MIA3: variants seen among roughly 807,000 people sequenced by gnomAD.
MIA3 encodes the protein MIA SH3 domain ER export factor 3.
Under a neutral mutation model 192.4 loss-of-function variants are expected in MIA3, and 90 were observed. The observed-to-expected ratio is 0.47, with a 90% CI of 0.39 to 0.56. MIA3 has a LOEUF of 0.56. MIA3 is among the 20% of genes least tolerant of loss of function. MIA3 has a pLI of 0.00. For synonymous variants in MIA3, 740 were observed against 792.8 expected (o/e 0.93, Z 1.12); for missense variants, 2,123 against 2,269.4 (o/e 0.94, Z 1.31).
chr1:222,627,727 T>C lies in MIA3; in HGVS notation c.507T>C (p.Pro169=), dbSNP rs1662184142. The change falls in exon 4 of 28, where the codon CCT becomes CCC. Residue 169 remains proline, a synonymous_variant. Coordinates refer to ENST00000344922, the MANE Select transcript of MIA3 (RefSeq NM_198551.4). Reference sequence around the variant, plus strand: ...CTTTACAGGATATGGAAAAAAACCCTGAATTATCTAAGGAAAGGGAACCTG... The same window carrying C: ...CTTTACAGGATATGGAAAAAAACCCCGAATTATCTAAGGAAAGGGAACCTG... The part of the protein sequence containing the change: ...EKTLQDMEKN[P]ELSKEREPEP... 4.3e-6 allele frequency: 7 copies of C among 1,613,456 alleles called. No individual in the cohort carries two copies. Among genetic ancestry groups the C allele is most frequent in the East Asian group, 2.2e-5 (1 of 44,876 alleles).
intron 18 of MIA3, among the ~76,000 whole-genome samples, chr1:222,655,666 C>T (rs527746452): frequency 6.6e-6 from 1 of 152,326 alleles, no homozygotes; most frequent in African/African-American, 2.4e-5. Context: ...CAGGCCAGCT[C>T]TAAATAAATG....
chr1:222,618,372 C>A, intron 1 of MIA3, 129 bp downstream of exon 1: 2 of 993,934 alleles, frequency 2.0e-6, no homozygotes, highest in Non-Finnish European at 1.3e-6. Context: ...CTGGCCGGCC[C>A]GGGGGTCGCA....
intron 2 of MIA3, among the ~76,000 whole-genome samples, chr1:222,622,635 A>G (rs1661924300): frequency 1.3e-5 from 2 of 152,180 alleles, no homozygotes. Flanking sequence ...AATCTATTCT[A>G]TTTCCTTCAA....
At chr1:222,644,372 C>G in intron 6 of MIA3, 1 of 1,514,468 alleles carries the variant, frequency 6.6e-7, no homozygotes, top group South Asian at 1.3e-5. Context: ...ATCCCAGAGT[C>G]CGCCCCCTGA....
At chr1:222,644,141 A>G (rs1663001479) in intron 6 of MIA3, among the ~76,000 whole-genome samples, 2 of 152,288 alleles carry the variant, frequency 1.3e-5, no homozygotes, top group African/African-American at 4.8e-5. Context: ...GTTCCTGGCG[A>G]AAGCGCCAGT....
chr1:222,661,286 T>C (rs1663996199), intron 24 of MIA3: 1 of 152,328 alleles, frequency 6.6e-6, no homozygotes, highest in Non-Finnish European at 1.5e-5. Flanking sequence ...ATATATACCA[T>C]AGTTTGGAGT....
chr1:222,626,730 C>T (rs1229197884), intron 3 of MIA3, among the ~76,000 whole-genome samples: 1 of 152,146 alleles, frequency 6.6e-6, no homozygotes, highest in Non-Finnish European at 1.5e-5. Flanking sequence ...TCCTTTACAC[C>T]ATTCTTTGTT....
At chr1:222,632,378 T>G (rs1354187113) in intron 5 of MIA3, 52 bp downstream of exon 5, 2 of 1,463,416 alleles carry the variant, frequency 1.4e-6, no homozygotes, top group African/African-American at 1.4e-5. Context: ...AAAGAAGGCC[T>G]TCTAGGAGAT....
intron 6 of MIA3, among the ~76,000 whole-genome samples, chr1:222,640,984 A>G (rs554655648): frequency 9.9e-4 from 151 of 152,370 alleles, no homozygotes; most frequent in Non-Finnish European, 1.6e-3. Context: ...CATAATTATC[A>G]GGGAAATGCC....
At chr1:222,665,239 A>T in intron 27 of MIA3, 70 bp from the exon 28 acceptor site, 1 of 1,078,438 alleles carries the variant, frequency 9.3e-7, no homozygotes, top group Non-Finnish European at 1.4e-6. Context: ...AGACTATATT[A>T]ACATACCTGG....
At position 222,664,839 on chromosome 1, in the gene MIA3, T is replaced by C. The variant is rs868839640; in HGVS notation, c.5414-470T>C. On this transcript the variant is annotated intron_variant, in intron 27 of 27. Transcript: ENST00000344922. ...CCATATTTAGTCTGTCTTCTTGGTA[T>C]GGTATATAGTACTTCCAAGTACAAA... 6 of 365,146 alleles carry C rather than the reference T, an allele frequency of 1.6e-5. No individual in the cohort carries two copies. In the Middle Eastern group the frequency reaches 1.1e-3, roughly 69 times the overall value. 22.6% of individuals were successfully genotyped at this position (365,146 alleles called of 1,614,324 possible).
chr1:222,654,847 T>G (rs1470526304), intron 18 of MIA3, 54 bp downstream of exon 18: 1 of 1,397,854 alleles, frequency 7.2e-7, no homozygotes, highest in African/African-American at 1.4e-5. Flanking sequence ...TAAATAAATG[T>G]GTACTAATAT....
intron 26 of MIA3, among the ~76,000 whole-genome samples, chr1:222,663,229 T>G (rs1192431014): frequency 6.6e-6 from 1 of 152,154 alleles, no homozygotes; most frequent in Non-Finnish European, 1.5e-5. Context: ...TCTTGGAAAA[T>G]ACTTCCAAGT....
In MIA3 at chr1:222,663,465, ACT is replaced by A. The variant is rs1381139325; in HGVS notation, c.5263-528_5263-527del. Among the ~76,000 whole-genome samples, 5 of 151,812 alleles carry A rather than the reference ACT, an allele frequency of 3.3e-5. No individual in the cohort carries two copies. The South Asian group carries it at 6.2e-4, about 19-fold the overall frequency. On this transcript the variant is annotated intron_variant, in intron 26 of 27. Coordinates refer to ENST00000344922, the MANE Select transcript of MIA3 (RefSeq NM_198551.4). ...CTGTGTGACCATCAGCAAATCTAAT[ACT>A]CTCTGCGCCTGTGTTCCTGCATATT...
intron 24 of MIA3, chr1:222,661,057 CGT>C (rs1267538944): frequency 6.6e-6 from 1 of 152,224 alleles, no homozygotes; most frequent in Middle Eastern, 3.2e-3. Context: ...CTTAAAACAC[CGT>C]GTGATGTTAA....
In MIA3 at chr1:222,659,736, C is replaced by G; in HGVS notation, c.4809C>G (p.Leu1603=). ...THEKKAHENW[L]KARAAERAIA... ...ATTTGGATATTTTTCTTCAATAGCT[C>G]AAAGCTCGTGCTGCAGAAAGAGCTA... is the stretch of plus-strand genomic sequence containing the variant. Residue 1603 remains leucine (L), a splice_region_variant and synonymous_variant, in exon 22 of 28, where the codon CTC becomes CTG. Transcript: ENST00000344922. 2 of 1,613,918 alleles carry G rather than the reference C, an allele frequency of 1.2e-6. No homozygotes were observed. The highest frequency in any genetic ancestry group is 1.7e-6 in the Non-Finnish European group (2 of 1,179,934).
At chr1:222,634,756 C>T (rs1298095832) in intron 6 of MIA3, among the ~76,000 whole-genome samples, 2 of 152,102 alleles carry the variant, frequency 1.3e-5, no homozygotes, top group African/African-American at 2.4e-5. Context: ...TTTCAAGACT[C>T]GAATAGGAAA....
At chr1:222,636,833 A>G (rs1191498554) in intron 6 of MIA3, among the ~76,000 whole-genome samples, 2 of 152,026 alleles carry the variant, frequency 1.3e-5, no homozygotes, top group African/African-American at 4.8e-5. Flanking sequence ...TCTTTCTGGT[A>G]CCTTTTCCTG....
At position 222,663,930 on chromosome 1, in the gene MIA3, T is replaced by A; in HGVS notation, c.5263-68T>A. 2.8e-6 allele frequency: 4 copies of A among 1,442,110 alleles called. 1 individual carries two copies. The South Asian group carries it at 5.2e-5, about 19-fold the overall frequency. The allele number at this position is 1,442,110 out of a possible 1,614,324, so 89.3% of individuals were successfully genotyped here. Reference sequence around the variant, plus strand: ...ATCTGCTTCATTGGGTTTTAGTTTTTACTGGTGTTGGTGCTTTTGTCTGTC... The same window carrying A: ...ATCTGCTTCATTGGGTTTTAGTTTTAACTGGTGTTGGTGCTTTTGTCTGTC... On this transcript the variant is annotated intron_variant, in intron 26 of 27. Transcript: ENST00000344922.
Sources: allele counts gnomAD v4.1 joint callset (sites outside exome capture counted in the v4.1 genomes callset), GRCh38; gene constraint gnomAD v4.1.1; transcripts MANE v1.5; gene names NCBI Gene and HGNC (gene_info 2026-07-23, HGNC 2026-07-21).